DIAPH1: variants seen among roughly 807,000 people sequenced by gnomAD.
DIAPH1 encodes protein diaphanous homolog 1.
In DIAPH1, 46 loss-of-function variants were observed where a neutral mutation model predicts 140.7. The observed-to-expected ratio is 0.33, with a 90% CI of 0.26 to 0.42. The LOEUF (loss-of-function observed/expected upper bound fraction) is 0.42. Ranked by LOEUF, DIAPH1 falls within the 10% of genes least tolerant of loss-of-function variation. The probability of loss-of-function intolerance (pLI) is 1.00; values close to 1 mark genes in which losing one functional copy is unlikely to be tolerated. For synonymous variants in DIAPH1, 565 were observed against 551.6 expected, an observed-to-expected ratio of 1.02 and a Z score of -0.34; for missense variants, 1,310 against 1,558.7, an observed-to-expected ratio of 0.84 and a Z score of 2.69.
At chr5:141,557,210 G>A (rs2099892747) in intron 18 of DIAPH1, among the ~76,000 whole-genome samples, 1 of 152,074 alleles carries the variant, frequency 6.6e-6, no homozygotes, top group Non-Finnish European at 1.5e-5. Context: ...TTTTTTAAAT[G>A]TGATAATGGT....
intron 18 of DIAPH1, among the ~76,000 whole-genome samples, chr5:141,566,227 T>G (rs1019728614): frequency 5.3e-5 from 8 of 151,920 alleles, no homozygotes; most frequent in African/African-American, 1.9e-4. Flanking sequence ...GGGGGAATGG[T>G]TGAGGTAGGA....
chr5:141,527,699 T>TAAAAAAAACAAAAAAAAAAAAAAACA lies in DIAPH1; in HGVS notation c.3149-3_3149-2insTGTTTTTTTTTTTTTTTGTTTTTTTT. ...TCTTTTGCAAGTTTTCAGCAGAAACTAAAAAAAAAAAAAAAAAAAAAAACC... is the reference window on the plus strand; with the variant it reads ...TCTTTTGCAAGTTTTCAGCAGAAACTAAAAAAAACAAAAAAAAAAAAAAACAAAAAAAAAAAAAAAAAAAAAAAACC... On this transcript the variant is annotated splice_polypyrimidine_tract_variant and splice_region_variant and intron_variant, in intron 23 of 27. Transcript: ENST00000389054. The TAAAAAAAACAAAAAAAAAAAAAAACA allele has an allele frequency of 8.8e-7, 1 of 1,130,080 alleles. No homozygotes were observed. Among genetic ancestry groups the TAAAAAAAACAAAAAAAAAAAAAAACA allele is most frequent in the Admixed American group, 4.2e-5 (1 of 23,834 alleles). The allele number at this position is 1,130,080 out of a possible 1,614,324, so 70.0% of individuals were successfully genotyped here.
Position 141,527,699 on chromosome 5 carries a change from T to TAAAAAAAAAAAAAAAAAAAAAACAAAAA in DIAPH1, c.3149-3_3149-2insTTTTTGTTTTTTTTTTTTTTTTTTTTTT. 8.8e-7 allele frequency: 1 copy of TAAAAAAAAAAAAAAAAAAAAAACAAAAA among 1,130,080 alleles called. No homozygotes were observed. The highest frequency in any genetic ancestry group is 4.2e-5 in the Admixed American group (1 of 23,834). 70.0% of individuals were successfully genotyped at this position (1,130,080 alleles called of 1,614,324 possible). A position where few individuals can be genotyped will look rare whatever the true frequency, so the allele number is the denominator to read the frequency against. On this transcript the variant is annotated splice_polypyrimidine_tract_variant and splice_region_variant and intron_variant, in intron 23 of 27. Coordinates refer to ENST00000389054, the MANE Select transcript of DIAPH1 (RefSeq NM_005219.5). ...TCTTTTGCAAGTTTTCAGCAGAAAC[T>TAAAAAAAAAAAAAAAAAAAAAACAAAAA]AAAAAAAAAAAAAAAAAAAAAAACC...
intron 19 of DIAPH1, among the ~76,000 whole-genome samples, chr5:141,530,538 C>T (rs938679976): frequency 2.4e-4 from 37 of 152,154 alleles, no homozygotes; most frequent in African/African-American, 8.4e-4. Context: ...CTGGGGCCTC[C>T]GCGCTGTTAG....
chr5:141,608,845 C>CA (rs1303125705), intron 1 of DIAPH1, among the ~76,000 whole-genome samples: 1 of 152,032 alleles, frequency 6.6e-6, no homozygotes, highest in Non-Finnish European at 1.5e-5. Context: ...TTAAGAATAC[C>CA]AAACGTCAAA....
chr5:141,615,872 G>A (rs1019652493), intron 1 of DIAPH1, among the ~76,000 whole-genome samples: 3 of 152,158 alleles, frequency 2.0e-5, no homozygotes, highest in Admixed American at 6.5e-5. Flanking sequence ...AGAATACTCT[G>A]CAGCCTCCTA....
chr5:141,573,904 G>C lies in DIAPH1; in HGVS notation c.1946C>G (p.Ala649Gly). The C allele has an allele frequency of 1.3e-6, 2 of 1,548,428 alleles. No homozygotes were observed. The highest frequency in any genetic ancestry group is 1.7e-6 in the Non-Finnish European group (2 of 1,145,940). ...ISPPPPLSGD[A>G]TIPPPPPLPE... ...CAAAGGAGGGGGTGGAGGGATGGTA[G>C]CATCCCCAGACAAAGGAGGGGGTGG... Residue 649 changes from alanine (A) to glycine (G), a missense_variant, in exon 16 of 28, where the codon GCT becomes GGT. Physicochemically the swap from Ala to Gly is moderately conservative, Grantham distance 60. This residue lies in a region of DIAPH1 where 589 missense variants were observed against 549.3 expected (regional missense o/e 1.07). Transcript: ENST00000389054.
At chr5:141,552,556 G>A (rs2099891876) in intron 18 of DIAPH1, among the ~76,000 whole-genome samples, 1 of 152,180 alleles carries the variant, frequency 6.6e-6, no homozygotes, top group African/African-American at 2.4e-5. Context: ...AGAGCCTCCA[G>A]AAGGAATACA....
chr5:141,584,023 T>C lies in DIAPH1; in HGVS notation c.402+101A>G, dbSNP rs73794934. 4.0e-3 allele frequency: 2,906 copies of C among 731,156 alleles called. 49 individuals are homozygous for C. The African/African-American group carries it at 0.042, about 11-fold the overall frequency. The allele number at this position is 731,156 out of a possible 1,614,324, so 45.3% of individuals were successfully genotyped here. ...GCTTATATAATGGAATGAAACAGAATTGATGCAGACATAAAATGTTACATA... is the reference window on the plus strand; with the variant it reads ...GCTTATATAATGGAATGAAACAGAACTGATGCAGACATAAAATGTTACATA... On this transcript the variant is annotated intron_variant, in intron 4 of 27. Transcript: ENST00000389054.
intron 19 of DIAPH1, among the ~76,000 whole-genome samples, chr5:141,533,024 T>C (rs1384263724): frequency 1.3e-5 from 2 of 152,258 alleles, no homozygotes; most frequent in Admixed American, 6.5e-5. Flanking sequence ...AAGAATAATG[T>C]GACAGTTTAC....
In DIAPH1 at chr5:141,565,466, AC is replaced by A. The variant is rs1178723198; in HGVS notation, c.2482+5961del. Among the ~76,000 whole-genome samples, 7 of 152,248 alleles carry A rather than the reference AC, an allele frequency of 4.6e-5. No individual in the cohort carries two copies. The highest frequency in any genetic ancestry group is 1.0e-4 in the Non-Finnish European group (7 of 68,040). On this transcript the variant is annotated intron_variant, in intron 18 of 27. Coordinates refer to ENST00000389054, the MANE Select transcript of DIAPH1 (RefSeq NM_005219.5). The surrounding 1 kb of genome is among the most constrained non-coding windows in gnomAD (Gnocchi z 4.3). ...TTACCCTGTATTTCCAGTGTATTCT[AC>A]ATATTTGTTAAAATGATGATAACAA...
At chr5:141,551,600 A>G (rs2099891692) in intron 18 of DIAPH1, among the ~76,000 whole-genome samples, 1 of 152,232 alleles carries the variant, frequency 6.6e-6, no homozygotes, top group Non-Finnish European at 1.5e-5. Context: ...AAGCAAATGC[A>G]GGAAATTTTT....
At chr5:141,560,943 G>GGGAAGGGGT in intron 18 of DIAPH1, 1 of 455,744 alleles carries the variant, frequency 2.2e-6, no homozygotes, top group African/African-American at 2.0e-5. Flanking sequence ...AGATGAGGGG[G>GGGAAGGGGT]GGAAGGGGTG....
At chr5:141,554,057 T>G (rs925836562) in intron 18 of DIAPH1, among the ~76,000 whole-genome samples, 1 of 152,136 alleles carries the variant, frequency 6.6e-6, no homozygotes, top group Non-Finnish European at 1.5e-5. Flanking sequence ...GGCGGGCAGA[T>G]CACCTGAAGC....
intron 1 of DIAPH1, 65 bp downstream of exon 1, chr5:141,618,733 C>T (rs1041231207): frequency 8.6e-5 from 104 of 1,215,104 alleles, no homozygotes; most frequent in Non-Finnish European, 1.1e-4. Flanking sequence ...GCCCCAGGGG[C>T]CGGCTGCAGG....
chr5:141,530,859 T>C (rs2099888109), intron 19 of DIAPH1, among the ~76,000 whole-genome samples: 1 of 152,204 alleles, frequency 6.6e-6, no homozygotes, highest in African/African-American at 2.4e-5. Flanking sequence ...TGTGTTCATA[T>C]ATTTACGTCT....
chr5:141,618,108 C>A (rs1010345543), intron 1 of DIAPH1, among the ~76,000 whole-genome samples: 2 of 152,162 alleles, frequency 1.3e-5, no homozygotes, highest in African/African-American at 4.8e-5. Flanking sequence ...AGCAACAGGG[C>A]AAAGAGAGAG....
intron 4 of DIAPH1, among the ~76,000 whole-genome samples, chr5:141,583,825 G>C (rs1450953369): frequency 6.6e-6 from 1 of 152,106 alleles, no homozygotes; most frequent in African/African-American, 2.4e-5. Context: ...ACAGGAGTAA[G>C]CCACCATGTC....
chr5:141,540,313 C>T (rs1438372840), intron 18 of DIAPH1, among the ~76,000 whole-genome samples: 7 of 151,038 alleles, frequency 4.6e-5, no homozygotes, highest in Non-Finnish European at 1.0e-4. Context: ...GACGGAGTCT[C>T]GCTATATCGC....
Sources: allele counts gnomAD v4.1 joint callset (sites outside exome capture counted in the v4.1 genomes callset), GRCh38; gene constraint gnomAD v4.1.1; regional missense constraint gnomAD v4.1.1; non-coding constraint Gnocchi (gnomAD v3.1); transcripts MANE v1.5; gene names NCBI Gene and HGNC (gene_info 2026-07-23, HGNC 2026-07-21).